ST6GALNAC3: variants seen among roughly 807,000 people sequenced by gnomAD.
The protein encoded by ST6GALNAC3 is alpha-N-acetylgalactosaminide alpha-2,6-sialyltransferase 3.
In ST6GALNAC3, 25 loss-of-function variants were observed where a neutral mutation model predicts 32.7. That is an observed-to-expected ratio of 0.76 (90% confidence interval 0.56 to 1.07). The LOEUF (loss-of-function observed/expected upper bound fraction) is 1.07, where lower values mean the gene tolerates loss of function less well. ST6GALNAC3 is among the 50% of genes least tolerant of loss of function. The pLI is 0.00. For synonymous variants in ST6GALNAC3, 129 were observed against 133.1 expected, an observed-to-expected ratio of 0.97 and a Z score of 0.21; for missense variants, 355 against 382.4, an observed-to-expected ratio of 0.93 and a Z score of 0.60.
chr1:76,193,570 T>C (rs72674493), intron 1 of ST6GALNAC3, among the ~76,000 whole-genome samples: 4,246 of 152,278 alleles, frequency 0.028, 110 homozygotes, highest in African/African-American at 0.073. Flanking sequence ...GTAGCTGTAG[T>C]AGATACTACA....
intron 1 of ST6GALNAC3, among the ~76,000 whole-genome samples, chr1:76,162,875 A>G (rs1363287462): frequency 6.6e-6 from 1 of 152,210 alleles, no homozygotes; most frequent in Non-Finnish European, 1.5e-5. Context: ...GGTTGACGTG[A>G]AGGACAAAGA....
chr1:76,082,706 G>A (rs575988951), intron 1 of ST6GALNAC3, among the ~76,000 whole-genome samples: 2 of 152,184 alleles, frequency 1.3e-5, no homozygotes, highest in Admixed American at 1.3e-4. Flanking sequence ...TCTTTGAGAA[G>A]CCCCTTACCC....
At chr1:76,199,058 A>G (rs1309673574) in intron 1 of ST6GALNAC3, among the ~76,000 whole-genome samples, 1 of 152,210 alleles carries the variant, frequency 6.6e-6, no homozygotes, top group African/African-American at 2.4e-5. Context: ...AGCTCTGTGA[A>G]GAGAAGCAAA....
rs1206278629 is a variant in ST6GALNAC3 at position 76,473,498 on chromosome 1, T to G, written c.623+61081T>G. 4.6e-5 allele frequency among the ~76,000 whole-genome samples: 7 copies of G among 152,292 alleles called. No individual in the cohort carries two copies. In the South Asian group the frequency reaches 1.5e-3, roughly 32 times the overall value. On this transcript the variant is annotated intron_variant, in intron 3 of 4. Transcript: ENST00000328299. ...TGATTGATTATATTCATACCTTTCT[T>G]GAGTTATTAAATTATCTTCTGTTTC...
intron 3 of ST6GALNAC3, among the ~76,000 whole-genome samples, chr1:76,525,631 C>T (rs1662820077): frequency 6.6e-6 from 1 of 151,388 alleles, no homozygotes; most frequent in Admixed American, 6.6e-5. Context: ...CCACTTTCTA[C>T]AAACTTCCCA....
intron 1 of ST6GALNAC3, chr1:76,142,743 C>A: frequency 2.5e-6 from 1 of 392,968 alleles, no homozygotes; most frequent in Middle Eastern, 4.8e-4. Context: ...CAGTGAGGAG[C>A]GTCCAGCTGT....
At chr1:76,543,017 G>GCCTA (rs1664083793) in intron 3 of ST6GALNAC3, among the ~76,000 whole-genome samples, 1 of 152,178 alleles carries the variant, frequency 6.6e-6, no homozygotes, top group Non-Finnish European at 1.5e-5. Context: ...GCTGGTAAAT[G>GCCTA]CCTAAGCTGT....
intron 1 of ST6GALNAC3, among the ~76,000 whole-genome samples, chr1:76,193,376 A>T (rs2100512741): frequency 6.6e-6 from 1 of 152,320 alleles, no homozygotes; most frequent in East Asian, 1.9e-4. Flanking sequence ...TGGAATGGCT[A>T]AATTGAGCTA....
At chr1:76,429,400 A>C (rs1001485470) in intron 3 of ST6GALNAC3, among the ~76,000 whole-genome samples, 1 of 152,176 alleles carries the variant, frequency 6.6e-6, no homozygotes, top group Non-Finnish European at 1.5e-5. Flanking sequence ...GGCATAGCAC[A>C]TGGTGCTAGT....
chr1:76,577,939 A>C (rs1646835936), intron 3 of ST6GALNAC3, among the ~76,000 whole-genome samples: 1 of 152,088 alleles, frequency 6.6e-6, no homozygotes, highest in Admixed American at 6.6e-5. Context: ...CATTTCAAAA[A>C]ATGACAATGA....
intron 2 of ST6GALNAC3, among the ~76,000 whole-genome samples, chr1:76,410,843 G>A (rs1157510983): frequency 1.3e-5 from 2 of 152,084 alleles, no homozygotes; most frequent in Non-Finnish European, 2.9e-5. Context: ...AGGGACTGAC[G>A]GGGGAATGGA....
chr1:76,598,550 C>A (rs1477384423), intron 3 of ST6GALNAC3, among the ~76,000 whole-genome samples: 1 of 152,154 alleles, frequency 6.6e-6, no homozygotes, highest in Admixed American at 6.6e-5. Context: ...GAATTCTAAT[C>A]TGATTTCAAT....
At chr1:76,318,729 A>G (rs1646914165) in intron 2 of ST6GALNAC3, among the ~76,000 whole-genome samples, 1 of 152,204 alleles carries the variant, frequency 6.6e-6, no homozygotes, top group South Asian at 2.1e-4. Flanking sequence ...TTTTCCAGAA[A>G]AAAATTAAAA....
intron 1 of ST6GALNAC3, among the ~76,000 whole-genome samples, chr1:76,264,543 G>A (rs192537081): frequency 4.5e-4 from 69 of 152,180 alleles, no homozygotes; most frequent in South Asian, 1.7e-3. Context: ...GGTGCTCGGC[G>A]TACCTTGCAG....
intron 3 of ST6GALNAC3, among the ~76,000 whole-genome samples, chr1:76,520,908 G>A (rs1451833432): frequency 6.6e-6 from 1 of 151,882 alleles, no homozygotes; most frequent in African/African-American, 2.4e-5. Flanking sequence ...GAATTATTTT[G>A]TTTGTTAATG....
chr1:76,431,997 C>G (rs1293117255), intron 3 of ST6GALNAC3, among the ~76,000 whole-genome samples: 3 of 152,228 alleles, frequency 2.0e-5, no homozygotes, highest in African/African-American at 7.2e-5. Context: ...ATCCCTCTCT[C>G]TCCCCTAACC....
chr1:76,552,222 A>C lies in ST6GALNAC3; in HGVS notation c.624-75230A>C, dbSNP rs1192760470. Among the ~76,000 whole-genome samples the C allele has an allele frequency of 2.6e-5, 4 of 152,162 alleles. No individual in the cohort carries two copies. The East Asian group carries it at 7.7e-4, about 29-fold the overall frequency. On this transcript the variant is annotated intron_variant, in intron 3 of 4. Transcript: ENST00000328299. ...TCCCTATGTTAGTCTCAGGGCCCACAAAGATCAAGGGACTCTCTCACGGCT... is the reference window on the plus strand; with the variant it reads ...TCCCTATGTTAGTCTCAGGGCCCACCAAGATCAAGGGACTCTCTCACGGCT...
chr1:76,634,825 A>T (rs1227251115), downstream of ST6GALNAC3, among the ~76,000 whole-genome samples: 1 of 88,188 alleles, frequency 1.1e-5, no homozygotes, highest in South Asian at 3.6e-4. Context: ...TCAGCCTCCC[A>T]AGTAGCTGGG....
chr1:76,486,311 G>A (rs1486973533), intron 3 of ST6GALNAC3, among the ~76,000 whole-genome samples: 2 of 144,600 alleles, frequency 1.4e-5, no homozygotes, highest in Non-Finnish European at 3.1e-5. Flanking sequence ...TCTGTCTAAT[G>A]TTGACAGTGG....
Sources: allele counts gnomAD v4.1 joint callset (sites outside exome capture counted in the v4.1 genomes callset), GRCh38; gene constraint gnomAD v4.1.1; transcripts MANE v1.5; gene names NCBI Gene and HGNC (gene_info 2026-07-23, HGNC 2026-07-21).